The following VPS41 variants were observed in gnomAD, a reference collection of about 807,000 sequenced individuals.
The protein encoded by VPS41 is vacuolar protein sorting-associated protein 41 homolog.
In VPS41, 85 loss-of-function variants were observed where a neutral mutation model predicts 130.9. The ratio of observed to expected loss-of-function variants is 0.65; its 90% CI spans 0.55 to 0.78. The LOEUF is 0.78. Among genes scored for constraint, VPS41 ranks in the 30% least tolerant of loss-of-function variants. The probability of loss-of-function intolerance (pLI) is 0.00; values close to 1 mark genes in which losing one functional copy is unlikely to be tolerated. For synonymous variants in VPS41, 335 were observed against 332.9 expected, an observed-to-expected ratio of 1.01 and a Z score of -0.07; for missense variants, 874 against 1,018.7, an observed-to-expected ratio of 0.86 and a Z score of 1.93.
At chr7:38,881,993 C>T (rs1375942753) in intron 2 of VPS41, among the ~76,000 whole-genome samples, 1 of 152,120 alleles carries the variant, frequency 6.6e-6, no homozygotes, top group Admixed American at 6.6e-5. Context: ...CTTTAACAGT[C>T]ACTCAACAAG....
intron 25 of VPS41, among the ~76,000 whole-genome samples, chr7:38,733,611 AC>A (rs1159671004): frequency 5.9e-5 from 9 of 151,956 alleles, no homozygotes; most frequent in African/African-American, 2.2e-4. Flanking sequence ...AAACTTTCTC[AC>A]CTGTTTCCTC....
intron 4 of VPS41, among the ~76,000 whole-genome samples, chr7:38,862,131 A>C (rs530579579): frequency 2.6e-4 from 40 of 152,336 alleles, no homozygotes; most frequent in Non-Finnish European, 4.9e-4. Flanking sequence ...ACTATTATTC[A>C]CTAAGAAAGC....
intron 2 of VPS41, among the ~76,000 whole-genome samples, chr7:38,883,094 T>C (rs1480468060): frequency 6.6e-6 from 1 of 151,968 alleles, no homozygotes; most frequent in African/African-American, 2.4e-5. Context: ...AATACAAAAA[T>C]TAGCTAGGCA....
intron 3 of VPS41, 48 bp from the exon 4 acceptor site, chr7:38,862,670 A>AT: frequency 3.4e-6 from 4 of 1,167,714 alleles, no homozygotes; most frequent in South Asian, 1.3e-5. Flanking sequence ...AATACTATTA[A>AT]TACACAAGTA....
intron 4 of VPS41, among the ~76,000 whole-genome samples, chr7:38,831,715 G>A (rs1259301485): frequency 6.6e-6 from 1 of 152,228 alleles, no homozygotes; most frequent in Non-Finnish European, 1.5e-5. Flanking sequence ...TTCAACCCCA[G>A]AGGAAAGCAG....
intron 2 of VPS41, among the ~76,000 whole-genome samples, chr7:38,886,267 G>A (rs998810044): frequency 6.6e-6 from 1 of 152,182 alleles, no homozygotes; most frequent in Non-Finnish European, 1.5e-5. Context: ...ATAAGTGACT[G>A]TACCTGGAGG....
At chr7:38,814,760 T>C (rs551129025) in intron 7 of VPS41, among the ~76,000 whole-genome samples, 1 of 152,360 alleles carries the variant, frequency 6.6e-6, no homozygotes, top group Non-Finnish European at 1.5e-5. Context: ...CTCTGGTATG[T>C]TCTTTTATTC....
At chr7:38,887,879 A>G (rs1179111553) in intron 2 of VPS41, among the ~76,000 whole-genome samples, 1 of 152,238 alleles carries the variant, frequency 6.6e-6, no homozygotes, top group Admixed American at 6.5e-5. Context: ...AATATTCAAC[A>G]TTCTTAAAGA....
At chr7:38,769,132 C>G (rs1784107835) in intron 14 of VPS41, among the ~76,000 whole-genome samples, 1 of 152,144 alleles carries the variant, frequency 6.6e-6, no homozygotes, top group East Asian at 1.9e-4. Context: ...CTCGTCTTAC[C>G]CTTCTGACCT....
rs767297356 is a variant in VPS41 at position 38,831,223 on chromosome 7, T to A, written c.247-895A>T. On this transcript the variant is annotated intron_variant, in intron 4 of 28. Transcript: ENST00000310301. ...AATATAAACTGCACCTACCTCTGAT[T>A]GTAATTTCTTTGGCATCTGGTTGTA... is the stretch of plus-strand genomic sequence containing the variant. The A allele has an allele frequency of 4.7e-5, 22 of 471,038 alleles. No individual in the cohort carries two copies. The East Asian group carries it at 1.5e-3, about 31-fold the overall frequency. The allele number at this position is 471,038 out of a possible 1,614,324, so 29.2% of individuals were successfully genotyped here. A position where few individuals can be genotyped will look rare whatever the true frequency, so the allele number is the denominator to read the frequency against.
intron 2 of VPS41, among the ~76,000 whole-genome samples, chr7:38,876,559 G>A (rs1330048337): frequency 3.3e-5 from 5 of 152,108 alleles, no homozygotes; most frequent in Admixed American, 2.6e-4. Context: ...GTGAGCTATT[G>A]CCAATATTTT....
intron 1 of VPS41, among the ~76,000 whole-genome samples, chr7:38,907,896 T>C (rs537851143): frequency 6.6e-6 from 1 of 152,324 alleles, no homozygotes; most frequent in East Asian, 1.9e-4. Context: ...GCAATGGCAG[T>C]CATGAAATGA....
intron 2 of VPS41, among the ~76,000 whole-genome samples, chr7:38,886,089 C>G (rs545570743): frequency 6.6e-6 from 1 of 152,102 alleles, no homozygotes; most frequent in South Asian, 2.1e-4. Context: ...GAGACTGATG[C>G]AGAAGATGGG....
chr7:38,768,360 T>C (rs1362581308), intron 14 of VPS41, among the ~76,000 whole-genome samples: 2 of 152,116 alleles, frequency 1.3e-5, no homozygotes, highest in Non-Finnish European at 2.9e-5. Context: ...TGATTTCTAC[T>C]TTATGTACAA....
At chr7:38,745,768 G>C (rs1795974241) in intron 22 of VPS41, 155 bp from the exon 23 acceptor site, 3 of 649,270 alleles carry the variant, frequency 4.6e-6, no homozygotes, top group Non-Finnish European at 8.1e-6. Context: ...CCCTAGAATA[G>C]CTGCACTCAG....
At chr7:38,750,608 GC>G (rs1783650039) in intron 22 of VPS41, among the ~76,000 whole-genome samples, 1 of 152,194 alleles carries the variant, frequency 6.6e-6, no homozygotes, top group African/African-American at 2.4e-5. Context: ...AATGCTCTAA[GC>G]AAGCCATATG....
chr7:38,778,016 G>A (rs1028160589), intron 10 of VPS41, among the ~76,000 whole-genome samples: 16 of 152,064 alleles, frequency 1.1e-4, no homozygotes, highest in South Asian at 4.2e-4. Flanking sequence ...TCCTCCTTAC[G>A]CAGCTGTTAT....
At chr7:38,804,079 C>T (rs963863588) in intron 7 of VPS41, among the ~76,000 whole-genome samples, 14 of 152,168 alleles carry the variant, frequency 9.2e-5, no homozygotes, top group African/African-American at 2.2e-4. Context: ...GTTGGTACGA[C>T]GGAAAACCTC....
chr7:38,755,830 A>C (rs61050247), intron 19 of VPS41, among the ~76,000 whole-genome samples: 3,161 of 152,286 alleles, frequency 0.021, 121 homozygotes, highest in African/African-American at 0.072. Flanking sequence ...AGATATGAGG[A>C]AAATGTAATT....
Sources: allele counts gnomAD v4.1 joint callset (sites outside exome capture counted in the v4.1 genomes callset), GRCh38; gene constraint gnomAD v4.1.1; transcripts MANE v1.5; gene names NCBI Gene and HGNC (gene_info 2026-07-23, HGNC 2026-07-21).